The following SEC22C variants were observed in gnomAD, a reference collection of about 807,000 sequenced individuals.
The protein encoded by SEC22C is SEC22 homolog C, vesicle trafficking protein, also known as vesicle-trafficking protein SEC22c.
Under a neutral mutation model 34.7 loss-of-function variants are expected in SEC22C, and 29 were observed. The ratio of observed to expected loss-of-function variants is 0.84; its 90% CI spans 0.62 to 1.14. SEC22C has a LOEUF of 1.14. Among genes scored for constraint, SEC22C ranks in the 50% most tolerant of loss-of-function variants. The pLI, the probability that SEC22C is intolerant of heterozygous loss-of-function variation, is 0.00. For synonymous variants in SEC22C, 117 were observed against 132.8 expected (o/e 0.88, Z 0.82); for missense variants, 337 against 369.0 (o/e 0.91, Z 0.71).
chr3:42,558,051 A>T (rs940592316), intron 4 of SEC22C, among the ~76,000 whole-genome samples: 1 of 152,214 alleles, frequency 6.6e-6, no homozygotes, highest in Non-Finnish European at 1.5e-5. Context: ...TCTGGTTGTC[A>T]CAACTAGAGA....
chr3:42,553,324 A>G lies in SEC22C; in HGVS notation c.836T>C (p.Ile279Thr), dbSNP rs1702339282. Residue 279 changes from isoleucine (I) to threonine (T), a missense_variant, in exon 7 of 7, where the codon ATA (isoleucine) becomes ACA (threonine). Transcript: ENST00000264454. ...LRNLWQILFH[I>T]GVAFLSSYQI... is the part of the protein sequence containing the mutation. ...ATATGAAGACAGAAAAGCCACTCCT[A>G]TGTGGAAAAGGATTTGCCAGAGGTT... is the stretch of plus-strand genomic sequence containing the variant. 1 of 1,614,052 alleles carries G rather than the reference A, an allele frequency of 6.2e-7. No individual in the cohort carries two copies. The highest frequency in any genetic ancestry group is 1.7e-5 in the Admixed American group (1 of 59,996).
chr3:42,590,717 G>A, intron 1 of SEC22C: 1 of 682,286 alleles, frequency 1.5e-6, no homozygotes, highest in Non-Finnish European at 2.6e-6. Flanking sequence ...AAACGCCCCC[G>A]GCGTTCTGGG....
At chr3:42,568,070 C>CA (rs1351431634) in intron 2 of SEC22C, among the ~76,000 whole-genome samples, 5 of 147,752 alleles carry the variant, frequency 3.4e-5, no homozygotes, top group South Asian at 2.1e-4. Flanking sequence ...AAAACTGTGT[C>CA]AAAAAAATAA....
intron 3 of SEC22C, 63 bp from the exon 4 acceptor site, chr3:42,561,359 G>A (rs1032338482): frequency 4.0e-6 from 6 of 1,511,476 alleles, no homozygotes; most frequent in South Asian, 3.4e-5. Context: ...AAGACAATAC[G>A]TACAAAATGA....
rs906045764 is a variant in SEC22C, at chr3:42,581,877, G to C, written c.-59C>G. On this transcript the variant is annotated 5_prime_UTR_variant, in exon 1 of 7. Transcript: ENST00000264454. ...CGGACGGCGGCCTTCGGAAGTCGGC[G>C]CCTGCCAGCTACCCGCCGCCTCCTC... 6.6e-6 allele frequency: 1 copy of C among 152,218 alleles called. No homozygotes were observed. The highest frequency in any genetic ancestry group is 1.5e-5 in the Non-Finnish European group (1 of 68,160). 9.4% of individuals were successfully genotyped at this position (152,218 alleles called of 1,614,324 possible). A position where few individuals can be genotyped will look rare whatever the true frequency, so the allele number is the denominator to read the frequency against.
intron 6 of SEC22C, among the ~76,000 whole-genome samples, chr3:42,554,975 A>G (rs895514505): frequency 1.4e-5 from 2 of 145,902 alleles, no homozygotes; most frequent in African/African-American, 5.2e-5. Flanking sequence ...TTACTATTTA[A>G]AACAACAACA....
In SEC22C at chr3:42,548,878, TTC is replaced by T. The variant is rs201597318; in HGVS notation, c.*4368_*4369del. The T allele has an allele frequency of 7.3e-7, 1 of 1,376,182 alleles. No homozygotes were observed. Among genetic ancestry groups the T allele is most frequent in the South Asian group, 1.8e-5 (1 of 56,790 alleles). The allele number at this position is 1,376,182 out of a possible 1,614,324, so 85.2% of individuals were successfully genotyped here. A position where few individuals can be genotyped will look rare whatever the true frequency, so the allele number is the denominator to read the frequency against. On this transcript the variant is annotated 3_prime_UTR_variant, in exon 7 of 7. Coordinates refer to ENST00000264454, the MANE Select transcript of SEC22C (RefSeq NM_032970.4). ...CATGTACCAGGTGAATGTAAAGCCT[TTC>T]TCCTCCCACACACAATGGACTCACC...
At chr3:42,573,146 C>G (rs1703748896) in intron 1 of SEC22C, among the ~76,000 whole-genome samples, 1 of 152,092 alleles carries the variant, frequency 6.6e-6, no homozygotes, top group African/African-American at 2.4e-5. Context: ...GCCACCACAC[C>G]CAGCCACTTT....
intron 1 of SEC22C, among the ~76,000 whole-genome samples, chr3:42,588,647 T>C (rs1704704895): frequency 6.6e-6 from 1 of 152,186 alleles, no homozygotes; most frequent in Admixed American, 6.5e-5. Flanking sequence ...AACAAAAGTA[T>C]AGGCCGGGCA....
rs543909795 is a variant in SEC22C, at chr3:42,548,955, G to A, written c.*4293C>T. The A allele has an allele frequency of 9.2e-5, 107 of 1,166,174 alleles. No homozygotes were observed. The African/African-American group carries it at 1.3e-3, about 14-fold the overall frequency. 72.2% of individuals were successfully genotyped at this position (1,166,174 alleles called of 1,614,324 possible). ...TTGACCCTCATAACAGCACCCTGGC[G>A]GGGGGGCAGATTGATGTTATCACCA... On this transcript the variant is annotated 3_prime_UTR_variant, in exon 7 of 7. Transcript: ENST00000264454.
upstream of SEC22C, chr3:42,582,175 C>T (rs1467073467): frequency 1.3e-5 from 2 of 152,218 alleles, no homozygotes; most frequent in Admixed American, 6.5e-5. Flanking sequence ...AACTTTCTTC[C>T]CACCTCCCGG....
chr3:42,574,805 C>G (rs9828279), intron 1 of SEC22C, among the ~76,000 whole-genome samples: 41,079 of 152,008 alleles, frequency 0.27, 6,305 homozygotes, highest in East Asian at 0.46. Flanking sequence ...CTAAAAAACA[C>G]TATAGATTAT....
rs564307982 is a variant in SEC22C, at chr3:42,559,935, A to G, written c.526+1182T>C. ...CATGAGGTCTCTGAAATCCACAGGG[A>G]TAGAGGGAGATCCCAGGTCTCAGAG... On this transcript the variant is annotated intron_variant, in intron 4 of 6. Transcript: ENST00000264454. 3.9e-5 allele frequency among the ~76,000 whole-genome samples: 6 copies of G among 151,944 alleles called. No individual in the cohort carries two copies. The East Asian group carries it at 1.2e-3, about 29-fold the overall frequency.
At chr3:42,574,052 CAGA>C (rs1346194027) in intron 1 of SEC22C, among the ~76,000 whole-genome samples, 2 of 152,104 alleles carry the variant, frequency 1.3e-5, no homozygotes, top group Middle Eastern at 3.2e-3. Flanking sequence ...AGCACACAGA[CAGA>C]AGCCCAACTT....
Position 42,548,822 on chromosome 3 carries a change from T to C in SEC22C, c.*4426A>G, listed in dbSNP as rs1017780537. ...TTTTGTAAAGGCCAGAAGAAATGGC[T>C]GTGCTGTGCTGCCTGAAGCAGAAAA... is the stretch of plus-strand genomic sequence containing the variant. On this transcript the variant is annotated 3_prime_UTR_variant, in exon 7 of 7. Transcript: ENST00000264454. The C allele has an allele frequency of 2.1e-6, 3 of 1,436,138 alleles. No homozygotes were observed. In the African/African-American group the frequency reaches 4.3e-5, roughly 21 times the overall value. The allele number at this position is 1,436,138 out of a possible 1,614,324, so 89.0% of individuals were successfully genotyped here.
chr3:42,553,363 A>G lies in SEC22C; in HGVS notation c.797T>C (p.Leu266Pro). 1 of 1,614,210 alleles carries G rather than the reference A, an allele frequency of 6.2e-7. No individual in the cohort carries two copies. The highest frequency in any genetic ancestry group is 8.5e-7 in the Non-Finnish European group (1 of 1,180,032). Residue 266 changes from leucine to proline, a missense_variant, in exon 7 of 7, where the codon CTG becomes CCG. Physicochemically the swap from Leu to Pro is moderately conservative, Grantham distance 98. Transcript: ENST00000264454. ...LLFICLGNMY[L>P]HGLRNLWQIL... ...TTGCCAGAGGTTCCTCAGCCCGTGC[A>G]GGTACATGTTGCCCAGGCAAATAAA...
chr3:42,556,731 T>C (rs1702548507), intron 5 of SEC22C, among the ~76,000 whole-genome samples: 1 of 152,196 alleles, frequency 6.6e-6, no homozygotes, highest in African/African-American at 2.4e-5. Context: ...TGTTTTTGTT[T>C]TCTTTTTTTG....
At position 42,549,334 on chromosome 3, in the gene SEC22C, T is replaced by G. The variant is rs1702137199; in HGVS notation, c.*3914A>C. The G allele has an allele frequency of 4.1e-6, 4 of 985,570 alleles. No homozygotes were observed. The highest frequency in any genetic ancestry group is 4.8e-6 in the Non-Finnish European group (4 of 830,130). 61.1% of individuals were successfully genotyped at this position (985,570 alleles called of 1,614,324 possible). Reference sequence around the variant, plus strand: ...GCAGGTTCTCAGAAGGCCACTGTCCTGCATGTCACAATGAGTGGCCAACTC... The same window carrying G: ...GCAGGTTCTCAGAAGGCCACTGTCCGGCATGTCACAATGAGTGGCCAACTC... On this transcript the variant is annotated 3_prime_UTR_variant, in exon 7 of 7. Transcript: ENST00000264454.
chr3:42,554,495 C>A (rs1027211628), intron 6 of SEC22C, among the ~76,000 whole-genome samples: 2 of 152,112 alleles, frequency 1.3e-5, no homozygotes, highest in African/African-American at 4.8e-5. Flanking sequence ...CAGGTATGCA[C>A]CACCATAATC....
Sources: gnomAD v4.1 joint callset for allele counts (sites outside exome capture counted in the v4.1 genomes callset) on GRCh38, gnomAD v4.1.1 for gene constraint, MANE v1.5 for transcripts, NCBI Gene and HGNC (gene_info 2026-07-23, HGNC 2026-07-21) for gene names.